The following TMEM163 variants were observed in gnomAD, a reference collection of about 807,000 sequenced individuals.
TMEM163 encodes the protein transmembrane protein 163.
In TMEM163, 17 loss-of-function variants were observed where a neutral mutation model predicts 29.3. The ratio of observed to expected loss-of-function variants is 0.58; its 90% CI spans 0.40 to 0.87. TMEM163 has a LOEUF of 0.87. Ranked by LOEUF, TMEM163 falls within the 40% of genes least tolerant of loss-of-function variation. TMEM163 has a pLI of 0.00. For missense variants in TMEM163, 303 were observed against 381.5 expected (o/e 0.79, Z 1.71); for synonymous variants, 157 against 160.6 (o/e 0.98, Z 0.17).
Position 134,515,155 on chromosome 2 carries a change from G to C in TMEM163, c.459-12158C>G, listed in dbSNP as rs538926848. Among the ~76,000 whole-genome samples, 6 of 152,324 alleles carry C rather than the reference G, an allele frequency of 3.9e-5. No individual in the cohort carries two copies. The South Asian group carries it at 1.2e-3, about 32-fold the overall frequency. On this transcript the variant is annotated intron_variant, in intron 4 of 7. Coordinates refer to ENST00000281924, the MANE Select transcript of TMEM163 (RefSeq NM_030923.5). ...TGCCTGTCCGAATGATAACAGATGAGTCATCTCGAGCCTTAGTCCATCCTG... is the reference window on the plus strand; with the variant it reads ...TGCCTGTCCGAATGATAACAGATGACTCATCTCGAGCCTTAGTCCATCCTG...
At chr2:134,535,776 T>C (rs542822609) in intron 4 of TMEM163, among the ~76,000 whole-genome samples, 1 of 151,670 alleles carries the variant, frequency 6.6e-6, no homozygotes. Flanking sequence ...CAGGTTGGAA[T>C]GCAATGGCAC....
At chr2:134,482,497 A>T (rs368960776) in intron 5 of TMEM163, among the ~76,000 whole-genome samples, 2 of 152,226 alleles carry the variant, frequency 1.3e-5, no homozygotes, top group African/African-American at 4.8e-5. Flanking sequence ...CCTAATGAGG[A>T]CAAATTCAAG....
intron 2 of TMEM163, among the ~76,000 whole-genome samples, chr2:134,567,107 T>C (rs1394340193): frequency 6.6e-6 from 1 of 152,198 alleles, no homozygotes; most frequent in East Asian, 1.9e-4. Context: ...CATCCCTCCA[T>C]ATGCTTCGGT....
intron 2 of TMEM163, among the ~76,000 whole-genome samples, chr2:134,552,747 T>C (rs1680961457): frequency 6.7e-6 from 1 of 148,902 alleles, no homozygotes; most frequent in Admixed American, 6.8e-5. Flanking sequence ...CTGCAACCTC[T>C]GCCTCCCGGG....
At chr2:134,517,948 T>C (rs1388677938) in intron 4 of TMEM163, among the ~76,000 whole-genome samples, 1 of 131,956 alleles carries the variant, frequency 7.6e-6, no homozygotes, top group East Asian at 2.3e-4. Context: ...AGTTGTCAGA[T>C]GGAAAAAAAA....
chr2:134,573,855 G>A (rs1196319633), intron 2 of TMEM163, among the ~76,000 whole-genome samples: 1 of 152,088 alleles, frequency 6.6e-6, no homozygotes, highest in Admixed American at 6.5e-5. Flanking sequence ...TTCTGCTTGG[G>A]ATGCAGTAGC....
intron 2 of TMEM163, among the ~76,000 whole-genome samples, chr2:134,689,448 A>C (rs1684415867): frequency 6.6e-6 from 1 of 152,070 alleles, no homozygotes; most frequent in Admixed American, 6.6e-5. Flanking sequence ...TTGTGACTAG[A>C]ATTATATTTT....
intron 4 of TMEM163, among the ~76,000 whole-genome samples, chr2:134,544,490 A>G (rs576577141): frequency 4.6e-4 from 70 of 152,318 alleles, no homozygotes; most frequent in African/African-American, 1.5e-3. Flanking sequence ...TCTTTAAATC[A>G]AGTTAAAAAT....
chr2:134,633,999 A>G (rs1558971827), intron 2 of TMEM163, among the ~76,000 whole-genome samples: 1 of 26,574 alleles, frequency 3.8e-5, no homozygotes, highest in African/African-American at 1.8e-4. Flanking sequence ...ATATATATAT[A>G]TATATATATA....
chr2:134,689,303 T>A (rs1373678731), intron 2 of TMEM163, among the ~76,000 whole-genome samples: 7 of 152,116 alleles, frequency 4.6e-5, no homozygotes, highest in Non-Finnish European at 1.5e-5. Flanking sequence ...AGATGGGGTT[T>A]CACCATGTTG....
At chr2:134,642,969 G>A (rs921937481) in intron 2 of TMEM163, among the ~76,000 whole-genome samples, 5 of 151,702 alleles carry the variant, frequency 3.3e-5, no homozygotes, top group Non-Finnish European at 1.5e-5. Context: ...GATGAACAAA[G>A]AATAAGCATG....
chr2:134,713,527 A>G, intron 1 of TMEM163: 1 of 727,962 alleles, frequency 1.4e-6, no homozygotes, highest in Non-Finnish European at 2.4e-6. Flanking sequence ...CTCTGACAAT[A>G]TGGGCCGTGT....
chr2:134,488,116 A>T (rs1442261852), intron 5 of TMEM163, among the ~76,000 whole-genome samples: 1 of 152,226 alleles, frequency 6.6e-6, no homozygotes, highest in East Asian at 1.9e-4. Context: ...ATTAGGCGAA[A>T]TTATTTGCAA....
chr2:134,616,126 G>A (rs1682604804), intron 2 of TMEM163, among the ~76,000 whole-genome samples: 1 of 152,198 alleles, frequency 6.6e-6, no homozygotes, highest in African/African-American at 2.4e-5. Context: ...AAAGTGGACT[G>A]GTCAAGAGCA....
rs77898645 is a variant in TMEM163, at chr2:134,484,279, A to G, written c.556-18054T>C. Among the ~76,000 whole-genome samples the G allele has an allele frequency of 7.9e-5, 12 of 152,370 alleles. No individual in the cohort carries two copies. In the East Asian group the frequency reaches 2.1e-3, roughly 27 times the overall value. ...AATAACGAAATTCTCAGAACACCGA[A>G]GACAAACAGAAGATCTTACAAGCTC... On this transcript the variant is annotated intron_variant, in intron 5 of 7. Coordinates refer to ENST00000281924, the MANE Select transcript of TMEM163 (RefSeq NM_030923.5).
Position 134,496,025 on chromosome 2 carries a change from C to T in TMEM163, c.555+6876G>A, listed in dbSNP as rs541143735. ...GAATAGAAGTCGGTTAGATCTATAA[C>T]GAAATTTGTTGTAATTTCACAAAAT... is the stretch of plus-strand genomic sequence containing the variant. On this transcript the variant is annotated intron_variant, in intron 5 of 7. Transcript: ENST00000281924. Among the ~76,000 whole-genome samples, 18 of 151,970 alleles carry T rather than the reference C, an allele frequency of 1.2e-4. No homozygotes were observed. The East Asian group carries it at 1.7e-3, about 15-fold the overall frequency.
At chr2:134,655,038 T>C (rs1399240192) in intron 2 of TMEM163, among the ~76,000 whole-genome samples, 1 of 108,086 alleles carries the variant, frequency 9.3e-6, no homozygotes, top group African/African-American at 5.0e-5. Context: ...GGAGTTGCTC[T>C]TCTCGAGGAG....
chr2:134,633,722 G>C (rs190741822), intron 2 of TMEM163, among the ~76,000 whole-genome samples: 14 of 152,124 alleles, frequency 9.2e-5, no homozygotes, highest in African/African-American at 3.1e-4. Flanking sequence ...AGCACTTTGG[G>C]AGGCCGAGGC....
At chr2:134,696,996 G>A (rs1044568631) in intron 2 of TMEM163, among the ~76,000 whole-genome samples, 4 of 152,060 alleles carry the variant, frequency 2.6e-5, no homozygotes, top group African/African-American at 9.7e-5. Flanking sequence ...GGCTGGTCTC[G>A]AATTCCTGAC....
Sources: allele counts gnomAD v4.1 joint callset (sites outside exome capture counted in the v4.1 genomes callset), GRCh38; gene constraint gnomAD v4.1.1; transcripts MANE v1.5; gene names NCBI Gene and HGNC (gene_info 2026-07-23, HGNC 2026-07-21).